The following GRID1 variants were observed in gnomAD, a reference collection of about 807,000 sequenced individuals.
The protein encoded by GRID1 is glutamate ionotropic receptor delta type subunit 1, also known as glutamate receptor ionotropic, delta-1.
A neutral mutation model predicts 98.0 loss-of-function variants in GRID1; 28 were observed. That is an observed-to-expected ratio of 0.29 (90% CI 0.21 to 0.39). The LOEUF (loss-of-function observed/expected upper bound fraction) is 0.39, where lower values mean the gene tolerates loss of function less well. GRID1 is among the 10% of genes least tolerant of loss of function. The probability of loss-of-function intolerance (pLI) is 1.00; values close to 1 mark genes in which losing one functional copy is unlikely to be tolerated. For synonymous variants in GRID1, 553 were observed against 538.5 expected (o/e 1.03, Z -0.37); for missense variants, 1,111 against 1,340.5 (o/e 0.83, Z 2.67).
intron 8 of GRID1, among the ~76,000 whole-genome samples, chr10:85,833,081 G>A (rs1158177963): frequency 6.6e-6 from 1 of 152,190 alleles, no homozygotes; most frequent in African/African-American, 2.4e-5. Flanking sequence ...CAGCTGGGCA[G>A]GACCAGCAAG....
chr10:85,863,877 G>A (rs1843189711), intron 6 of GRID1, among the ~76,000 whole-genome samples: 1 of 152,196 alleles, frequency 6.6e-6, no homozygotes, highest in Non-Finnish European at 1.5e-5. Flanking sequence ...GGGAATTGTT[G>A]TGCATCCGCA....
intron 2 of GRID1, among the ~76,000 whole-genome samples, chr10:86,289,542 C>T (rs1394519297): frequency 6.6e-6 from 1 of 151,958 alleles, no homozygotes; most frequent in African/African-American, 2.4e-5. Context: ...GTGCCACTCT[C>T]CTAACTGCAG....
At chr10:85,633,114 G>A (rs1184588925) in intron 13 of GRID1, among the ~76,000 whole-genome samples, 1 of 152,044 alleles carries the variant, frequency 6.6e-6, no homozygotes, top group African/African-American at 2.4e-5. Context: ...ATTTTTAGTA[G>A]AGATGAGGTT....
intron 5 of GRID1, among the ~76,000 whole-genome samples, chr10:85,882,223 C>T (rs1841040615): frequency 6.6e-6 from 1 of 152,160 alleles, no homozygotes; most frequent in African/African-American, 2.4e-5. Flanking sequence ...GGCGATTCCT[C>T]AGGGATCTAG....
At chr10:86,353,185 A>ACCGACAAGTC (rs1443413413) in intron 2 of GRID1, among the ~76,000 whole-genome samples, 1 of 152,194 alleles carries the variant, frequency 6.6e-6, no homozygotes, top group African/African-American at 2.4e-5. Flanking sequence ...AGAAGACGTC[A>ACCGACAAGTC]CCGACAAGTC....
chr10:86,331,297 T>G (rs1848138200), intron 2 of GRID1, among the ~76,000 whole-genome samples: 1 of 152,112 alleles, frequency 6.6e-6, no homozygotes, highest in South Asian at 2.1e-4. Context: ...TAGACAGCCC[T>G]GGCTGGGGCA....
chr10:85,868,334 A>G lies in GRID1; in HGVS notation c.951+676T>C, dbSNP rs1589280778. On this transcript the variant is annotated intron_variant, in intron 6 of 15. Coordinates refer to ENST00000327946, the MANE Select transcript of GRID1 (RefSeq NM_017551.3). ...CACACTACTTCCCTGTTGCTCCCAAACACCCAGAGAGAAACCACCTCTTAC... is the reference window on the plus strand; with the variant it reads ...CACACTACTTCCCTGTTGCTCCCAAGCACCCAGAGAGAAACCACCTCTTAC... Among the ~76,000 whole-genome samples the G allele has an allele frequency of 3.3e-5, 5 of 152,226 alleles. 1 individual carries two copies. Among genetic ancestry groups the G allele is most frequent in the Admixed American group, 3.3e-4 (5 of 15,298 alleles).
intron 2 of GRID1, among the ~76,000 whole-genome samples, chr10:86,279,362 C>T (rs1444394021): frequency 6.6e-6 from 1 of 152,112 alleles, no homozygotes; most frequent in Non-Finnish European, 1.5e-5. Flanking sequence ...TGCCAATATC[C>T]CTCATGAATT....
chr10:86,278,941 T>A (rs1032230367), intron 2 of GRID1, among the ~76,000 whole-genome samples: 6 of 152,146 alleles, frequency 3.9e-5, no homozygotes, highest in Non-Finnish European at 7.4e-5. Context: ...ATTACCACCA[T>A]AACAAAACCA....
At chr10:85,688,232 T>C (rs1841290862) in intron 12 of GRID1, among the ~76,000 whole-genome samples, 1 of 152,230 alleles carries the variant, frequency 6.6e-6, no homozygotes, top group South Asian at 2.1e-4. Flanking sequence ...GGCAAGGCTG[T>C]CACATCATTG....
intron 11 of GRID1, 55 bp downstream of exon 11, chr10:85,724,297 A>G (rs1841736062): frequency 3.6e-6 from 5 of 1,395,834 alleles, no homozygotes; most frequent in East Asian, 2.3e-5. Flanking sequence ...TTGCCAATGG[A>G]TAAGTTCTTC....
At chr10:85,901,430 A>G (rs1278118597) in intron 5 of GRID1, among the ~76,000 whole-genome samples, 1 of 151,902 alleles carries the variant, frequency 6.6e-6, no homozygotes, top group Non-Finnish European at 1.5e-5. Flanking sequence ...TTGTATTTTT[A>G]GTAGAGACGG....
At chr10:86,306,222 C>A (rs1295721788) in intron 2 of GRID1, among the ~76,000 whole-genome samples, 3 of 152,198 alleles carry the variant, frequency 2.0e-5, no homozygotes, top group African/African-American at 7.2e-5. Flanking sequence ...AGCTTAGGGA[C>A]CTAGCTTGGG....
chr10:85,646,850 C>T (rs1029320180), intron 13 of GRID1: 2 of 295,812 alleles, frequency 6.8e-6, no homozygotes, highest in Admixed American at 4.2e-5. Flanking sequence ...CCCTTCACTC[C>T]TGCAACTCTC....
At chr10:85,655,717 G>A (rs955296556) in intron 12 of GRID1, among the ~76,000 whole-genome samples, 2 of 152,170 alleles carry the variant, frequency 1.3e-5, no homozygotes, top group South Asian at 2.1e-4. Flanking sequence ...CCTAAGAAGG[G>A]AGAAGCCATC....
chr10:86,071,922 G>A lies in GRID1; in HGVS notation c.726+66897C>T, dbSNP rs79464298. Among the ~76,000 whole-genome samples, 505 of 152,304 alleles carry A rather than the reference G, an allele frequency of 3.3e-3. 4 individuals carry two copies. Among genetic ancestry groups the A allele is most frequent in the African/African-American group, 0.011 (476 of 41,566 alleles). On this transcript the variant is annotated intron_variant, in intron 4 of 15. Coordinates refer to ENST00000327946, the MANE Select transcript of GRID1 (RefSeq NM_017551.3). ...CTGAGTAAATGTTGAAGGGTGAAAG[G>A]AATAGTGAAGTGAAAGAGAGTGGGA... is the stretch of plus-strand genomic sequence containing the variant.
chr10:85,968,273 AC>A (rs71016119), intron 4 of GRID1, among the ~76,000 whole-genome samples: 151,869 of 151,870 alleles, frequency 1, 75,934 homozygotes, highest in Non-Finnish European at 1. Flanking sequence ...ACATGGTGAA[AC>A]CCCCGTCTCT....
In GRID1 at chr10:85,872,144, C is replaced by T. The variant is rs555556206; in HGVS notation, c.781-2964G>A. Among the ~76,000 whole-genome samples, 26 of 151,938 alleles carry T rather than the reference C, an allele frequency of 1.7e-4. No individual in the cohort carries two copies. In the East Asian group the frequency reaches 2.9e-3, roughly 17 times the overall value. On this transcript the variant is annotated intron_variant, in intron 5 of 15. Coordinates refer to ENST00000327946, the MANE Select transcript of GRID1 (RefSeq NM_017551.3). ...TGCCTTGGTGACCAAGGCCCTGCCCCGAACACAGGATACAGAATAAGAGAA... is the reference window on the plus strand; with the variant it reads ...TGCCTTGGTGACCAAGGCCCTGCCCTGAACACAGGATACAGAATAAGAGAA...
At chr10:86,295,118 A>G (rs1202176113) in intron 2 of GRID1, among the ~76,000 whole-genome samples, 1 of 152,218 alleles carries the variant, frequency 6.6e-6, no homozygotes, top group Non-Finnish European at 1.5e-5. Context: ...TGGGAGACAG[A>G]GCATACAGAA....
Sources: allele counts gnomAD v4.1 joint callset (sites outside exome capture counted in the v4.1 genomes callset), GRCh38; gene constraint gnomAD v4.1.1; transcripts MANE v1.5; gene names NCBI Gene and HGNC (gene_info 2026-07-23, HGNC 2026-07-21).